Variants in MRPL19 observed in about 807,000 individuals in gnomAD.
MRPL19 encodes the protein mitochondrial ribosomal protein L19.
MRPL19 carries 31 observed loss-of-function variants against 34.0 expected under a neutral mutation model. The observed-to-expected ratio is 0.91, with a 90% CI of 0.68 to 1.23. The LOEUF (loss-of-function observed/expected upper bound fraction) is 1.23, where lower values mean the gene tolerates loss of function less well. Ranked by LOEUF, MRPL19 falls within the 50% of genes most tolerant of loss-of-function variation. The pLI is 0.00. For missense variants in MRPL19, 384 were observed against 367.6 expected, an observed-to-expected ratio of 1.04 and a Z score of -0.37; for synonymous variants, 152 against 127.7, an observed-to-expected ratio of 1.19 and a Z score of -1.28.
intron 2 of MRPL19, among the ~76,000 whole-genome samples, chr2:75,649,939 T>G (rs1425438637): frequency 1.3e-5 from 2 of 152,174 alleles, no homozygotes; most frequent in African/African-American, 4.8e-5. Context: ...GCTGACATTT[T>G]CAAATGGTTC....
In MRPL19 at chr2:75,659,079, T is replaced by C. The variant is rs540015916; in HGVS notation, c.*3794T>C. Among the ~76,000 whole-genome samples, 2 of 152,248 alleles carry C rather than the reference T, an allele frequency of 1.3e-5. No homozygotes were observed. The highest frequency in any genetic ancestry group is 4.1e-4 in the South Asian group (2 of 4,820). Reference sequence around the variant, plus strand: ...CTTCTTCTATATGTCATATACTTTTTTGGCCCCTCATTTCCTCTTTATGGC... The same window carrying C: ...CTTCTTCTATATGTCATATACTTTTCTGGCCCCTCATTTCCTCTTTATGGC... On this transcript the variant is annotated 3_prime_UTR_variant, in exon 6 of 6. Transcript: ENST00000393909.
At position 75,655,434 on chromosome 2, in the gene MRPL19, CTT is replaced by C. The variant is rs562246641; in HGVS notation, c.*150_*151del. ...TTAATACTTTTTTTCTAAAATAAAA[CTT>C]GTACACCAGTTTATTACTCTAAAAA... On this transcript the variant is annotated 3_prime_UTR_variant, in exon 6 of 6. Coordinates refer to ENST00000393909, the MANE Select transcript of MRPL19 (RefSeq NM_014763.4). 81 of 632,750 alleles carry C rather than the reference CTT, an allele frequency of 1.3e-4. No homozygotes were observed. In the African/African-American group the frequency reaches 1.5e-3, roughly 11 times the overall value. 39.2% of individuals were successfully genotyped at this position (632,750 alleles called of 1,614,324 possible).
intron 1 of MRPL19, 39 bp downstream of exon 1, chr2:75,646,949 G>A (rs758867278): frequency 1.3e-4 from 203 of 1,529,930 alleles, no homozygotes; most frequent in Non-Finnish European, 1.2e-4. Context: ...GCGCGTTAGG[G>A]GCCCAGGGTC....
chr2:75,649,739 C>G (rs1397931173), intron 2 of MRPL19, among the ~76,000 whole-genome samples: 1 of 152,062 alleles, frequency 6.6e-6, no homozygotes, highest in African/African-American at 2.4e-5. Context: ...CTGGGCCCCT[C>G]CCTACTCAGT....
chr2:75,654,728 C>T lies in MRPL19; in HGVS notation c.476-8C>T, dbSNP rs749777616. The T allele has an allele frequency of 4.3e-6, 7 of 1,612,184 alleles. No homozygotes were observed. The highest frequency in any genetic ancestry group is 4.0e-5 in the African/African-American group (3 of 74,796). On this transcript the variant is annotated splice_region_variant and splice_polypyrimidine_tract_variant and intron_variant, in intron 4 of 5. Coordinates refer to ENST00000393909, the MANE Select transcript of MRPL19 (RefSeq NM_014763.4). ...AGATTGTAAGAATATGTTTTCTGTT[C>T]TATTTAGGTGTCGAGATTTGCTTTG...
rs1263965925 is a variant in MRPL19 at position 75,646,837 on chromosome 2, G to C, written c.30G>C (p.Trp10Cys). MAACIAAGH[W>C]AAMGLGRSFQ... ...CGGCCTGCATTGCAGCGGGGCACTG[G>C]GCTGCAATGGGCCTAGGCCGGAGTT... Residue 10 changes from tryptophan to cysteine, a missense_variant, in exon 1 of 6, where the codon TGG becomes TGC. Transcript: ENST00000393909. 3 of 1,589,016 alleles carry C rather than the reference G, an allele frequency of 1.9e-6. No homozygotes were observed. Among genetic ancestry groups the C allele is most frequent in the East Asian group, 2.3e-5 (1 of 44,078 alleles).
Position 75,660,334 on chromosome 2 carries a change from T to G in MRPL19, c.*5049T>G, listed in dbSNP as rs1678579219. 1 of 152,194 alleles carries G rather than the reference T, an allele frequency of 6.6e-6. No homozygotes were observed. Among genetic ancestry groups the G allele is most frequent in the African/African-American group, 2.4e-5 (1 of 41,450 alleles). 9.4% of individuals were successfully genotyped at this position (152,194 alleles called of 1,614,324 possible). ...ACAATTGTTTAAAGTCTTTGCATAG[T>G]AAGTCCAATGTCTGTGTTTCTTCAG... On this transcript the variant is annotated 3_prime_UTR_variant, in exon 6 of 6. Transcript: ENST00000393909.
At position 75,654,882 on chromosome 2, in the gene MRPL19, G is replaced by A. The variant is rs762992337; in HGVS notation, c.622G>A (p.Val208Ile). The A allele has an allele frequency of 6.2e-7, 1 of 1,613,650 alleles. No homozygotes were observed. The highest frequency in any genetic ancestry group is 1.1e-5 in the South Asian group (1 of 91,042). The part of the protein sequence containing the change: ...STFDVNMKPV[V>I]QEPNQKVPVN... ...TTTTGATGTGAATATGAAGCCAGTA[G>A]TACAAGAGCCTAACCAAAAAGTTCC... The change falls in exon 5 of 6, where the codon GTA (valine) becomes ATA (isoleucine). Residue 208 changes from valine (V) to isoleucine (I), a missense_variant. Coordinates refer to ENST00000393909, the MANE Select transcript of MRPL19 (RefSeq NM_014763.4).
At chr2:75,651,006 G>A (rs779265795) in intron 2 of MRPL19, among the ~76,000 whole-genome samples, 1 of 152,142 alleles carries the variant, frequency 6.6e-6, no homozygotes, top group Non-Finnish European at 1.5e-5. Flanking sequence ...CTGCTGTTCT[G>A]GGAAGATTCT....
At position 75,660,312 on chromosome 2, in the gene MRPL19, A is replaced by G. The variant is rs1285148530; in HGVS notation, c.*5027A>G. 2 of 151,978 alleles carry G rather than the reference A, an allele frequency of 1.3e-5. No individual in the cohort carries two copies. Among genetic ancestry groups the G allele is most frequent in the South Asian group, 2.1e-4 (1 of 4,824 alleles). The allele number at this position is 151,978 out of a possible 1,614,324, so 9.4% of individuals were successfully genotyped here. ...TAGCTCTTTGGGCTTATTTAAGACA[A>G]TTGTTTAAAGTCTTTGCATAGTAAG... is the stretch of plus-strand genomic sequence containing the variant. On this transcript the variant is annotated 3_prime_UTR_variant, in exon 6 of 6. Coordinates refer to ENST00000393909, the MANE Select transcript of MRPL19 (RefSeq NM_014763.4).
rs747979715 is a variant in MRPL19 at position 75,647,202 on chromosome 2, C to G, written c.204C>G (p.Pro68=). Residue 68 remains proline (P), a synonymous_variant, in exon 2 of 6, where the codon CCC becomes CCG. Transcript: ENST00000393909. ...CGGTCATCGTGGACAAGCACCGCCC[C>G]GTGGAACCGGAACGCAGGTGAGGCA... ...PKPVIVDKHR[P]VEPERRFLSP... is the part of the protein sequence containing the mutation. 10 of 1,580,356 alleles carry G rather than the reference C, an allele frequency of 6.3e-6. No individual in the cohort carries two copies. The highest frequency in any genetic ancestry group is 8.6e-6 in the Non-Finnish European group (10 of 1,162,834).
chr2:75,648,085 G>A (rs1678259459), intron 2 of MRPL19, among the ~76,000 whole-genome samples: 1 of 151,346 alleles, frequency 6.6e-6, no homozygotes, highest in Admixed American at 6.6e-5. Context: ...AATATTCCAC[G>A]GATTTAAATA....
chr2:75,648,264 C>G (rs1678261646), intron 2 of MRPL19, among the ~76,000 whole-genome samples: 1 of 152,096 alleles, frequency 6.6e-6, no homozygotes, highest in Non-Finnish European at 1.5e-5. Context: ...ACAGAATTTA[C>G]TAAGTTTAAG....
rs1280178711 is a variant in MRPL19, at chr2:75,660,246, A to ATG, written c.*4963_*4964dup. Among the ~76,000 whole-genome samples, 1 of 151,818 alleles carries ATG rather than the reference A, an allele frequency of 6.6e-6. No individual in the cohort carries two copies. The highest frequency in any genetic ancestry group is 2.4e-5 in the African/African-American group (1 of 41,326). ...TTATTGATATTCTCATTTTGTTCAT[A>ATG]TGTCTCTTTCTTCCTTTAGTTCTTT... On this transcript the variant is annotated 3_prime_UTR_variant, in exon 6 of 6. Coordinates refer to ENST00000393909, the MANE Select transcript of MRPL19 (RefSeq NM_014763.4).
At chr2:75,647,470 C>T (rs1017779433) in intron 2 of MRPL19, 32 of 500,140 alleles carry the variant, frequency 6.4e-5, no homozygotes, top group Non-Finnish European at 9.6e-5. Flanking sequence ...ACTCTTTTCT[C>T]TGTGGTATTT....
At chr2:75,650,798 A>C (rs1678316543) in intron 2 of MRPL19, among the ~76,000 whole-genome samples, 1 of 152,194 alleles carries the variant, frequency 6.6e-6, no homozygotes, top group South Asian at 2.1e-4. Context: ...AGCACTATGA[A>C]GCCTCAGGAT....
chr2:75,655,568 G>T lies in MRPL19; in HGVS notation c.*283G>T. The stretch of plus-strand genomic sequence containing the variant: ...ATGGTCTTTAATGAGCATGGAACCT[G>T]AGCAAAGGGAATAGGTGGGATGAAT... On this transcript the variant is annotated 3_prime_UTR_variant, in exon 6 of 6. Transcript: ENST00000393909. The T allele has an allele frequency of 3.7e-6, 1 of 272,150 alleles. No individual in the cohort carries two copies. Among genetic ancestry groups the T allele is most frequent in the Non-Finnish European group, 6.8e-6 (1 of 146,578 alleles). 16.9% of individuals were successfully genotyped at this position (272,150 alleles called of 1,614,324 possible).
intron 2 of MRPL19, chr2:75,651,447 A>G: frequency 1.9e-6 from 1 of 536,266 alleles, no homozygotes; most frequent in Non-Finnish European, 3.8e-6. Flanking sequence ...TCATCATTGC[A>G]ATGATTCCAT....
At chr2:75,646,970 A>G in intron 1 of MRPL19, 60 bp downstream of exon 1, 1 of 1,496,576 alleles carries the variant, frequency 6.7e-7, no homozygotes, top group Non-Finnish European at 9.0e-7. Flanking sequence ...AGGATGGGGG[A>G]GGCGAACCTG....
Sources: gnomAD v4.1 joint callset for allele counts (sites outside exome capture counted in the v4.1 genomes callset) on GRCh38, gnomAD v4.1.1 for gene constraint, MANE v1.5 for transcripts, NCBI Gene and HGNC (gene_info 2026-07-23, HGNC 2026-07-21) for gene names.